The following PLXNA2 variants were observed in gnomAD, a reference collection of about 807,000 sequenced individuals.
PLXNA2 encodes plexin A2, also known as plexin-A2.
PLXNA2 carries 91 observed loss-of-function variants against 193.5 expected under a neutral mutation model. The ratio of observed to expected loss-of-function variants is 0.47; its 90% CI spans 0.40 to 0.56. The LOEUF (loss-of-function observed/expected upper bound fraction) is 0.56, where lower values mean the gene tolerates loss of function less well. Ranked by LOEUF, PLXNA2 falls within the 20% of genes least tolerant of loss-of-function variation. The pLI is 0.00. For synonymous variants in PLXNA2, 997 were observed against 1,027.3 expected (o/e 0.97, Z 0.56); for missense variants, 1,995 against 2,503.2 (o/e 0.80, Z 4.33).
chr1:208,215,556 G>C (rs1303801977), intron 2 of PLXNA2, among the ~76,000 whole-genome samples: 4 of 150,234 alleles, frequency 2.7e-5, no homozygotes, highest in Admixed American at 6.7e-5. Flanking sequence ...GGAAGGGATG[G>C]AGGAAAGAAT....
intron 29 of PLXNA2, 33 bp downstream of exon 29, chr1:208,031,556 GC>G: frequency 6.2e-7 from 1 of 1,612,922 alleles, no homozygotes; most frequent in Non-Finnish European, 8.5e-7. Context: ...GCCTCTCCAG[GC>G]TGCACCTCCT....
intron 3 of PLXNA2, among the ~76,000 whole-genome samples, chr1:208,198,266 C>T (rs942759115): frequency 2.0e-5 from 3 of 152,202 alleles, no homozygotes; most frequent in Non-Finnish European, 4.4e-5. Context: ...GACTCCATTT[C>T]TCAGTGTGCT....
intron 5 of PLXNA2, among the ~76,000 whole-genome samples, chr1:208,099,469 G>A (rs903022519): frequency 5.3e-5 from 8 of 152,198 alleles, no homozygotes; most frequent in Admixed American, 2.6e-4. Context: ...GCCAGTGTAC[G>A]CCTATGGAGA....
chr1:208,216,873 G>A lies in PLXNA2; in HGVS notation c.1050C>T (p.Pro350=), dbSNP rs887280718. The change falls in exon 2 of 32, where the codon CCC becomes CCT. Residue 350 remains proline, a synonymous_variant. Coordinates refer to ENST00000367033, the MANE Select transcript of PLXNA2 (RefSeq NM_025179.4). ...SKGQKQYHHP[P]DDSALCAFPI... ...GGAAGGCACACAGGGCAGAGTCATC[G>A]GGCGGGTGGTGATACTGCTTCTGCC... 13 of 1,614,108 alleles carry A rather than the reference G, an allele frequency of 8.1e-6. No individual in the cohort carries two copies. Among genetic ancestry groups the A allele is most frequent in the African/African-American group, 4.0e-5 (3 of 74,946 alleles).
At chr1:208,191,948 T>C (rs1244068588) in intron 3 of PLXNA2, among the ~76,000 whole-genome samples, 2 of 152,138 alleles carry the variant, frequency 1.3e-5, no homozygotes, top group Admixed American at 6.5e-5. Flanking sequence ...GGGTCAGGGA[T>C]CCACGAGGCG....
intron 4 of PLXNA2, among the ~76,000 whole-genome samples, chr1:208,135,205 G>T (rs1392647544): frequency 6.6e-6 from 1 of 152,174 alleles, no homozygotes; most frequent in East Asian, 1.9e-4. Flanking sequence ...TCAGGAAAGG[G>T]TGGCTTTACA....
intron 3 of PLXNA2, among the ~76,000 whole-genome samples, chr1:208,144,875 T>TGCTTGAGTCATTG (rs1558214627): frequency 6.6e-6 from 1 of 151,996 alleles, no homozygotes; most frequent in Non-Finnish European, 1.5e-5. Flanking sequence ...TCAAGGGGAT[T>TGCTTGAGTCATTG]CTAAGAGTCA....
intron 1 of PLXNA2, chr1:208,230,066 T>C (rs970452676): frequency 6.6e-6 from 1 of 152,218 alleles, no homozygotes; most frequent in African/African-American, 2.4e-5. Flanking sequence ...GTGGTGAGAA[T>C]CAATGAGATA....
chr1:208,050,292 G>T (rs1028540244), intron 17 of PLXNA2, among the ~76,000 whole-genome samples: 2 of 152,234 alleles, frequency 1.3e-5, no homozygotes, highest in Non-Finnish European at 2.9e-5. Flanking sequence ...AGGATCCGGA[G>T]GTTAAATGAC....
rs991285598 is a variant in PLXNA2 at position 208,209,937 on chromosome 1, C to A, written c.1371+343G>T. On this transcript the variant is annotated intron_variant, in intron 3 of 31. Coordinates refer to ENST00000367033, the MANE Select transcript of PLXNA2 (RefSeq NM_025179.4). ...TTTGCGATTTTGGAGATTTATAATG[C>A]ACATAATCAAAAACTTAGTTTTGCT... is the stretch of plus-strand genomic sequence containing the variant. 1.3e-4 allele frequency: 28 copies of A among 219,760 alleles called. 1 individual carries two copies. The highest frequency in any genetic ancestry group is 2.3e-4 in the Non-Finnish European group (27 of 115,710). The allele number at this position is 219,760 out of a possible 1,614,324, so 13.6% of individuals were successfully genotyped here.
intron 4 of PLXNA2, among the ~76,000 whole-genome samples, chr1:208,135,891 C>T (rs1315285387): frequency 6.6e-6 from 1 of 152,164 alleles, no homozygotes; most frequent in Admixed American, 6.5e-5. Flanking sequence ...AGCAGACCGA[C>T]TGCGTGACTG....
chr1:208,185,715 AAAAGG>A (rs1202474013), intron 3 of PLXNA2, among the ~76,000 whole-genome samples: 1 of 66,406 alleles, frequency 1.5e-5, no homozygotes, highest in Non-Finnish European at 3.7e-5. Context: ...AAAAAAAAAA[AAAAGG>A]AAAAAAAAAA....
At chr1:208,062,846 A>G (rs1335257195) in intron 12 of PLXNA2, among the ~76,000 whole-genome samples, 1 of 152,100 alleles carries the variant, frequency 6.6e-6, no homozygotes, top group Non-Finnish European at 1.5e-5. Context: ...ATATGCAACA[A>G]TAATCCACCC....
At chr1:208,227,222 C>A (rs1175705674) in intron 1 of PLXNA2, among the ~76,000 whole-genome samples, 7 of 152,132 alleles carry the variant, frequency 4.6e-5, no homozygotes, top group African/African-American at 7.2e-5. Flanking sequence ...GCAACTCTCA[C>A]TTATTTTCTG....
At chr1:208,223,624 G>A (rs1341951581) in intron 1 of PLXNA2, among the ~76,000 whole-genome samples, 1 of 152,150 alleles carries the variant, frequency 6.6e-6, no homozygotes, top group Non-Finnish European at 1.5e-5. Flanking sequence ...CTAGGCCCAG[G>A]CAGGCCCAGG....
chr1:208,130,410 C>G (rs1295241983), intron 4 of PLXNA2, among the ~76,000 whole-genome samples: 1 of 152,156 alleles, frequency 6.6e-6, no homozygotes, highest in African/African-American at 2.4e-5. Flanking sequence ...AGTGTAGACA[C>G]TAACACCCCC....
chr1:208,136,322 G>A (rs1668300165), intron 4 of PLXNA2, among the ~76,000 whole-genome samples: 1 of 152,246 alleles, frequency 6.6e-6, no homozygotes. Context: ...TTACAAAGCA[G>A]TAAATAACCA....
At chr1:208,109,884 T>C (rs1667407368) in intron 4 of PLXNA2, among the ~76,000 whole-genome samples, 1 of 152,238 alleles carries the variant, frequency 6.6e-6, no homozygotes, top group African/African-American at 2.4e-5. Flanking sequence ...CTCTGCACCC[T>C]ACAGCTCCTA....
At chr1:208,093,004 A>C in intron 8 of PLXNA2, 104 bp from the exon 9 acceptor site, 31 of 725,872 alleles carry the variant, frequency 4.3e-5, no homozygotes, top group East Asian at 8.3e-5. Flanking sequence ...TCCTAGTCTC[A>C]TTCTCAGGAG....
Sources: allele counts gnomAD v4.1 joint callset (sites outside exome capture counted in the v4.1 genomes callset), GRCh38; gene constraint gnomAD v4.1.1; transcripts MANE v1.5; gene names NCBI Gene and HGNC (gene_info 2026-07-23, HGNC 2026-07-21).